SLC25A31: variants seen among roughly 807,000 people sequenced by gnomAD.
The protein encoded by SLC25A31 is ADP/ATP translocase 4.
SLC25A31 carries 40 observed loss-of-function variants against 36.2 expected under a neutral mutation model. The ratio of observed to expected loss-of-function variants is 1.10; its 90% CI spans 0.86 to 1.44. The LOEUF (loss-of-function observed/expected upper bound fraction) is 1.44, where lower values mean the gene tolerates loss of function less well. Ranked by LOEUF, SLC25A31 falls within the 40% of genes most tolerant of loss-of-function variation. The probability of loss-of-function intolerance (pLI) is 0.00; values close to 1 mark genes in which losing one functional copy is unlikely to be tolerated. For synonymous variants in SLC25A31, 143 were observed against 149.7 expected (o/e 0.96, Z 0.32); for missense variants, 350 against 397.1 (o/e 0.88, Z 1.01).
intron 1 of SLC25A31, among the ~76,000 whole-genome samples, chr4:127,744,090 AT>A (rs2148755909): frequency 6.6e-6 from 1 of 152,330 alleles, no homozygotes; most frequent in African/African-American, 2.4e-5. Flanking sequence ...AGGTAGGGAG[AT>A]TACTGGCGTC....
chr4:127,731,605 G>T (rs1731527929), intron 1 of SLC25A31, among the ~76,000 whole-genome samples: 1 of 152,044 alleles, frequency 6.6e-6, no homozygotes, highest in African/African-American at 2.4e-5. Flanking sequence ...GCTACTTGCG[G>T]GACCCTGATG....
At position 127,773,735 on chromosome 4, in the gene SLC25A31, AT is replaced by A. The variant is rs555376751; in HGVS notation, c.*162del. On this transcript the variant is annotated 3_prime_UTR_variant, in exon 6 of 6. Coordinates refer to ENST00000281154, the MANE Select transcript of SLC25A31 (RefSeq NM_031291.4). ...TTTTTCAAGAATTTAAATACTAAAA[AT>A]CAGATAAATGTGGATTTTCCTCCCA... 5.6e-6 allele frequency: 3 copies of A among 532,918 alleles called. No homozygotes were observed. In the South Asian group the frequency reaches 1.5e-4, roughly 27 times the overall value. The allele number at this position is 532,918 out of a possible 1,614,324, so 33.0% of individuals were successfully genotyped here.
At chr4:127,758,938 T>C (rs1051686104) in intron 2 of SLC25A31, among the ~76,000 whole-genome samples, 4 of 152,200 alleles carry the variant, frequency 2.6e-5, no homozygotes, top group African/African-American at 9.6e-5. Flanking sequence ...TGCGTGGGAT[T>C]CCTTTGGCAA....
chr4:127,745,896 C>G (rs982264487), intron 2 of SLC25A31, among the ~76,000 whole-genome samples: 1 of 152,026 alleles, frequency 6.6e-6, no homozygotes, highest in Non-Finnish European at 1.5e-5. Context: ...CAGATAATTT[C>G]ATCACTCAAG....
At chr4:127,731,084 T>A (rs1328099729) in intron 1 of SLC25A31, among the ~76,000 whole-genome samples, 3 of 152,170 alleles carry the variant, frequency 2.0e-5, no homozygotes, top group Non-Finnish European at 4.4e-5. Flanking sequence ...GTGGTTGACC[T>A]CCCAGGATTG....
Position 127,730,713 on chromosome 4 carries a change from G to A in SLC25A31, c.168G>A (p.Gln56=). ...TGCAGGTGCAGGCGTCGTCGAAGCAGATCAGCCCCGAGGCGCGGTACAAAG... is the reference window on the plus strand; with the variant it reads ...TGCAGGTGCAGGCGTCGTCGAAGCAAATCAGCCCCGAGGCGCGGTACAAAG... The part of the protein sequence containing the change: ...LLLQVQASSK[Q]ISPEARYKGM... Residue 56 remains glutamine, a synonymous_variant, in exon 1 of 6, where the codon CAG becomes CAA. Coordinates refer to ENST00000281154, the MANE Select transcript of SLC25A31 (RefSeq NM_031291.4). 1 of 1,613,874 alleles carries A rather than the reference G, an allele frequency of 6.2e-7. No homozygotes were observed. The highest frequency in any genetic ancestry group is 1.1e-5 in the South Asian group (1 of 91,072).
intron 2 of SLC25A31, among the ~76,000 whole-genome samples, chr4:127,752,255 TCATGTCC>T: frequency 6.6e-6 from 1 of 152,118 alleles, no homozygotes; most frequent in Admixed American, 6.5e-5. Context: ...AATGATGAGT[TCATGTCC>T]TTTGTAGGGA....
At chr4:127,770,098 G>A (rs1275210101) in intron 5 of SLC25A31, among the ~76,000 whole-genome samples, 1 of 152,192 alleles carries the variant, frequency 6.6e-6, no homozygotes, top group Non-Finnish European at 1.5e-5. Flanking sequence ...CAATCTGGCA[G>A]ATTAAAACTA....
intron 1 of SLC25A31, among the ~76,000 whole-genome samples, chr4:127,739,136 G>T (rs981848768): frequency 1.3e-5 from 2 of 152,158 alleles, no homozygotes; most frequent in African/African-American, 4.8e-5. Context: ...TGATCATATT[G>T]TGAATTTGTT....
chr4:127,766,312 C>T lies in SLC25A31; in HGVS notation c.479-754C>T, dbSNP rs116526312. Among the ~76,000 whole-genome samples the T allele has an allele frequency of 2.5e-3, 384 of 151,692 alleles. 2 individuals carry two copies. The highest frequency in any genetic ancestry group is 6.8e-3 in the Middle Eastern group (2 of 292). On this transcript the variant is annotated intron_variant, in intron 3 of 5. Transcript: ENST00000281154. ...CCTCCTGGGTAGCTGGGATTACAGG[C>T]GACCACCACGACGCCTGGCTAATTT... is the stretch of plus-strand genomic sequence containing the variant.
chr4:127,736,920 A>G (rs1242410216), intron 1 of SLC25A31, among the ~76,000 whole-genome samples: 3 of 152,356 alleles, frequency 2.0e-5, no homozygotes, highest in African/African-American at 4.8e-5. Context: ...AATCTATCCA[A>G]GGGAACTGGA....
intron 3 of SLC25A31, among the ~76,000 whole-genome samples, chr4:127,765,331 A>T (rs1323805850): frequency 1.3e-5 from 2 of 152,214 alleles, no homozygotes; most frequent in African/African-American, 4.8e-5. Context: ...CTCTGTAAGA[A>T]AATAGGTTCA....
intron 1 of SLC25A31, among the ~76,000 whole-genome samples, chr4:127,739,852 T>G (rs1410310952): frequency 6.6e-6 from 1 of 152,024 alleles, no homozygotes; most frequent in Non-Finnish European, 1.5e-5. Flanking sequence ...TTTCTTCTGC[T>G]TGGTCCAGTC....
In SLC25A31 at chr4:127,773,495, G is replaced by C; in HGVS notation, c.869G>C (p.Arg290Pro). 1 of 1,613,950 alleles carries C rather than the reference G, an allele frequency of 6.2e-7. No homozygotes were observed. Among genetic ancestry groups the C allele is most frequent in the Non-Finnish European group, 8.5e-7 (1 of 1,179,940 alleles). ...CGTGGCGCCTTCTCCAATGTTCTTC[G>C]CGGTACAGGGGGTGCTTTGGTGTTG... Reference protein sequence around the residue: ...FFRGAFSNVLRGTGGALVLVL... With the variant: ...FFRGAFSNVLPGTGGALVLVL... Residue 290 changes from arginine to proline, a missense_variant, in exon 6 of 6, where the codon CGC (arginine) becomes CCC (proline). Transcript: ENST00000281154.
Position 127,730,797 on chromosome 4 carries a change from C to G in SLC25A31, c.232+20C>G. Reference sequence around the variant, plus strand: ...AGCAGGGTGCGTCAAGGCAGGCCGCCCCGACAGCCTCTCCCGGCGCCCTCG... The same window carrying G: ...AGCAGGGTGCGTCAAGGCAGGCCGCGCCGACAGCCTCTCCCGGCGCCCTCG... On this transcript the variant is annotated intron_variant, in intron 1 of 5. Transcript: ENST00000281154. The G allele has an allele frequency of 6.3e-7, 1 of 1,592,096 alleles. No individual in the cohort carries two copies. Among genetic ancestry groups the G allele is most frequent in the African/African-American group, 1.3e-5 (1 of 74,636 alleles).
intron 2 of SLC25A31, among the ~76,000 whole-genome samples, chr4:127,745,253 C>T (rs1731803616): frequency 6.7e-6 from 1 of 150,274 alleles, no homozygotes. Flanking sequence ...CCAAATGGAG[C>T]AAAACTGGAA....
chr4:127,759,030 G>A (rs963225807), intron 2 of SLC25A31, among the ~76,000 whole-genome samples: 3 of 152,084 alleles, frequency 2.0e-5, no homozygotes, highest in Non-Finnish European at 4.4e-5. Flanking sequence ...TAATTTGATA[G>A]GAATTCTGTT....
chr4:127,752,354 G>T (rs1416281222), intron 2 of SLC25A31, among the ~76,000 whole-genome samples: 1 of 151,870 alleles, frequency 6.6e-6, no homozygotes, highest in Non-Finnish European at 1.5e-5. Flanking sequence ...TCACTCATAG[G>T]TGGGAATTGA....
intron 1 of SLC25A31, among the ~76,000 whole-genome samples, chr4:127,732,363 C>A (rs1322167121): frequency 6.6e-6 from 1 of 152,148 alleles, no homozygotes; most frequent in Non-Finnish European, 1.5e-5. Flanking sequence ...CATCTGGGAG[C>A]TAAGCTCAGG....
Sources: allele counts gnomAD v4.1 joint callset (sites outside exome capture counted in the v4.1 genomes callset), GRCh38; gene constraint gnomAD v4.1.1; transcripts MANE v1.5; gene names NCBI Gene and HGNC (gene_info 2026-07-23, HGNC 2026-07-21).